GALNT10: variants seen among roughly 807,000 people sequenced by gnomAD.
GALNT10 encodes the protein GalNAc transferase 10.
Under a neutral mutation model 75.0 loss-of-function variants are expected in GALNT10, and 41 were observed. The observed-to-expected ratio is 0.55, with a 90% CI of 0.43 to 0.71. GALNT10 has a LOEUF of 0.71. Ranked by LOEUF, GALNT10 falls within the 30% of genes least tolerant of loss-of-function variation. The pLI is 0.00. For synonymous variants in GALNT10, 302 were observed against 313.0 expected (o/e 0.96, Z 0.37); for missense variants, 727 against 818.5 (o/e 0.89, Z 1.36).
chr5:154,401,933 A>G (rs1260339539), intron 7 of GALNT10, among the ~76,000 whole-genome samples: 2 of 151,960 alleles, frequency 1.3e-5, no homozygotes, highest in East Asian at 3.9e-4. Flanking sequence ...CAAATGAGAG[A>G]CTATGGTAGC....
At chr5:154,380,381 A>G in intron 5 of GALNT10, 67 bp from the exon 6 acceptor site, 1 of 1,239,586 alleles carries the variant, frequency 8.1e-7, no homozygotes, top group South Asian at 1.3e-5. Flanking sequence ...AAGCTGCAGA[A>G]CAGGATGGTG....
At chr5:154,411,809 T>C (rs1756403017) in intron 9 of GALNT10, among the ~76,000 whole-genome samples, 1 of 152,172 alleles carries the variant, frequency 6.6e-6, no homozygotes, top group South Asian at 2.1e-4. Context: ...GCAAGAGATT[T>C]ATGGTTAAAA....
rs562248644 is a variant in GALNT10 at position 154,412,465 on chromosome 5, C to A, written c.1387-424C>A. The A allele has an allele frequency of 1.4e-5, 3 of 217,304 alleles. No homozygotes were observed. Among genetic ancestry groups the A allele is most frequent in the Admixed American group, 5.3e-5 (1 of 18,772 alleles). 13.5% of individuals were successfully genotyped at this position (217,304 alleles called of 1,614,324 possible). ...AGGGACAGAGACAGTCCATGACATA[C>A]AGCAAAGGTTTCATGTCCTTTTCTA... On this transcript the variant is annotated intron_variant, in intron 9 of 11. Coordinates refer to ENST00000297107, the MANE Select transcript of GALNT10 (RefSeq NM_198321.4). This position sits in a 1 kb window ranked among gnomAD's most constrained non-coding sequence, Gnocchi z 4.2.
At chr5:154,368,563 T>G (rs929970317) in intron 4 of GALNT10, among the ~76,000 whole-genome samples, 7 of 152,172 alleles carry the variant, frequency 4.6e-5, no homozygotes, top group Non-Finnish European at 1.0e-4. Flanking sequence ...CGGACTCATG[T>G]CAAAGGAAAA....
intron 4 of GALNT10, chr5:154,347,179 T>A (rs1387990260): frequency 7.8e-6 from 4 of 511,962 alleles, no homozygotes; most frequent in South Asian, 2.9e-5. Flanking sequence ...TTGTCTGGCA[T>A]TGTCTGATAT....
chr5:154,388,566 G>T (rs934990088), intron 7 of GALNT10: 1 of 152,104 alleles, frequency 6.6e-6, no homozygotes, highest in African/African-American at 2.4e-5. Context: ...GGGCCCAAAC[G>T]CAGGTCTGCT....
intron 1 of GALNT10, among the ~76,000 whole-genome samples, chr5:154,207,940 A>G (rs569618488): frequency 6.6e-6 from 1 of 152,190 alleles, no homozygotes; most frequent in Admixed American, 6.5e-5. Context: ...CCTGGAGTTC[A>G]ATAGTTGAAA....
rs1351101222 is a variant in GALNT10 at position 154,386,430 on chromosome 5, G to C, written c.1056G>C (p.Lys352Asn). Residue 352 changes from lysine to asparagine, a missense_variant and splice_region_variant, in exon 7 of 12, where the codon AAG (lysine) becomes AAC (asparagine). Transcript: ENST00000297107. Reference protein sequence around the residue: ...WGGEQYEISFKVWMCGGRMED... With the variant: ...WGGEQYEISFNVWMCGGRMED... ...GGGAGCAGTATGAAATCTCCTTCAAGGTGAGCCAGCTCTCCAGACGCCCCG... is the reference window on the plus strand; with the variant it reads ...GGGAGCAGTATGAAATCTCCTTCAACGTGAGCCAGCTCTCCAGACGCCCCG... The C allele has an allele frequency of 2.5e-6, 4 of 1,584,916 alleles. No individual in the cohort carries two copies. Among genetic ancestry groups the C allele is most frequent in the Non-Finnish European group, 3.5e-6 (4 of 1,153,392 alleles).
intron 3 of GALNT10, among the ~76,000 whole-genome samples, chr5:154,311,405 G>A (rs1754515711): frequency 6.6e-6 from 1 of 152,136 alleles, no homozygotes; most frequent in Non-Finnish European, 1.5e-5. Context: ...CTCTGCAATT[G>A]TGTCAAATGG....
chr5:154,345,628 CTTTTTTTTTTT>C (rs751597207), intron 4 of GALNT10, among the ~76,000 whole-genome samples: 1 of 118,540 alleles, frequency 8.4e-6, no homozygotes, highest in Non-Finnish European at 1.7e-5. Flanking sequence ...AAATTTCCAC[CTTTTTTTTTTT>C]TTTTTTTTTT....
intron 1 of GALNT10, among the ~76,000 whole-genome samples, chr5:154,231,849 G>A (rs1262468236): frequency 2.0e-5 from 3 of 152,214 alleles, no homozygotes; most frequent in Non-Finnish European, 4.4e-5. Flanking sequence ...TTACGTACTT[G>A]TCTTTGTTGG....
intron 9 of GALNT10, among the ~76,000 whole-genome samples, chr5:154,411,650 G>A (rs1253000945): frequency 6.6e-6 from 1 of 152,210 alleles, no homozygotes; most frequent in African/African-American, 2.4e-5. Context: ...TGCCTGGCTA[G>A]CCTACCCCAA....
At chr5:154,361,407 A>G (rs922823339) in intron 4 of GALNT10, among the ~76,000 whole-genome samples, 1 of 152,216 alleles carries the variant, frequency 6.6e-6, no homozygotes, top group African/African-American at 2.4e-5. Context: ...TAAAATCATC[A>G]AGGGCATTAA....
chr5:154,196,743 T>C (rs551067629), intron 1 of GALNT10, among the ~76,000 whole-genome samples: 26 of 152,318 alleles, frequency 1.7e-4, no homozygotes, highest in Admixed American at 9.8e-4. Context: ...TTGGATCTAA[T>C]GTGCTGTCTG....
rs568498103 is a variant in GALNT10, at chr5:154,412,655, C to T, written c.1387-234C>T. ...CCCCCACCACCAACCCAGGACTCTGCATACTCTACAATACTACTTACAGCA... is the reference window on the plus strand; with the variant it reads ...CCCCCACCACCAACCCAGGACTCTGTATACTCTACAATACTACTTACAGCA... On this transcript the variant is annotated intron_variant, in intron 9 of 11. Transcript: ENST00000297107. The surrounding 1 kb of genome is among the most constrained non-coding windows in gnomAD (Gnocchi z 4.2). 2.0e-5 allele frequency: 9 copies of T among 456,830 alleles called. No homozygotes were observed. The highest frequency in any genetic ancestry group is 1.6e-4 in the African/African-American group (8 of 49,818). 28.3% of individuals were successfully genotyped at this position (456,830 alleles called of 1,614,324 possible). A position where few individuals can be genotyped will look rare whatever the true frequency, so the allele number is the denominator to read the frequency against.
At chr5:154,277,464 C>CT (rs113329860) in intron 1 of GALNT10, among the ~76,000 whole-genome samples, 30,103 of 151,624 alleles carry the variant, frequency 0.2, 3,330 homozygotes, top group African/African-American at 0.28. Context: ...TGGAAAGAGA[C>CT]CCACTTTTGA....
intron 10 of GALNT10, 61 bp from the exon 11 acceptor site, chr5:154,415,722 A>T (rs920745247): frequency 7.1e-7 from 1 of 1,411,570 alleles, no homozygotes; most frequent in South Asian, 1.3e-5. Flanking sequence ...TTTAAAAAAA[A>T]TGGAGAAAAA....
intron 1 of GALNT10, among the ~76,000 whole-genome samples, chr5:154,213,104 A>G (rs1752798481): frequency 6.6e-6 from 1 of 152,288 alleles, no homozygotes; most frequent in Admixed American, 6.5e-5. Context: ...ATGCATATAA[A>G]ACTATTCAAT....
intron 1 of GALNT10, among the ~76,000 whole-genome samples, chr5:154,280,677 G>T (rs1754026562): frequency 6.6e-6 from 1 of 152,112 alleles, no homozygotes; most frequent in Non-Finnish European, 1.5e-5. Flanking sequence ...ATTGCAGTTT[G>T]TGTCCTCTTT....
Sources: gnomAD v4.1 joint callset for allele counts (sites outside exome capture counted in the v4.1 genomes callset) on GRCh38, gnomAD v4.1.1 for gene constraint, Gnocchi (gnomAD v3.1) non-coding constraint, MANE v1.5 for transcripts, NCBI Gene and HGNC (gene_info 2026-07-23, HGNC 2026-07-21) for gene names.